IFT80: variants seen among roughly 807,000 people sequenced by gnomAD.
IFT80 encodes the protein intraflagellar transport protein 80 homolog.
Under a neutral mutation model 107.9 loss-of-function variants are expected in IFT80, and 79 were observed. That is an observed-to-expected ratio of 0.73 (90% CI 0.61 to 0.88). The LOEUF (loss-of-function observed/expected upper bound fraction) is 0.88, where lower values mean the gene tolerates loss of function less well. Ranked by LOEUF, IFT80 falls within the 40% of genes least tolerant of loss-of-function variation. IFT80 has a pLI of 0.00. For missense variants in IFT80, 797 were observed against 914.2 expected (o/e 0.87, Z 1.65); for synonymous variants, 299 against 300.9 (o/e 0.99, Z 0.07).
intron 8 of IFT80, 43 bp from the exon 9 acceptor site, chr3:160,319,982 A>C (rs563017983): frequency 1.3e-6 from 2 of 1,536,490 alleles, no homozygotes; most frequent in Admixed American, 1.7e-5. Context: ...TACTGAAAAA[A>C]AATTTTTAGG....
In IFT80 at chr3:160,324,082, G is replaced by T. The variant is rs552586462; in HGVS notation, c.778-4143C>A. Among the ~76,000 whole-genome samples, 18 of 152,230 alleles carry T rather than the reference G, an allele frequency of 1.2e-4. No individual in the cohort carries two copies. The South Asian group carries it at 3.5e-3, about 30-fold the overall frequency. ...CACTCTCCCAAGACTAAACCAGGAA[G>T]AAGTTGAATCTCTGAATAGACCAGC... On this transcript the variant is annotated intron_variant, in intron 8 of 19. Coordinates refer to ENST00000326448, the MANE Select transcript of IFT80 (RefSeq NM_020800.3).
intron 1 of IFT80, among the ~76,000 whole-genome samples, chr3:160,397,059 C>T (rs1713832890): frequency 6.6e-6 from 1 of 152,132 alleles, no homozygotes; most frequent in Non-Finnish European, 1.5e-5. Context: ...TATCGTTCTT[C>T]CTATACCTTA....
intron 8 of IFT80, among the ~76,000 whole-genome samples, chr3:160,340,370 C>T (rs1450340659): frequency 6.6e-6 from 1 of 152,076 alleles, no homozygotes; most frequent in African/African-American, 2.4e-5. Context: ...AATTTAGAGC[C>T]TTAGAAAAAC....
intron 9 of IFT80, among the ~76,000 whole-genome samples, chr3:160,314,959 A>G (rs1277342625): frequency 6.6e-6 from 1 of 151,912 alleles, no homozygotes; most frequent in Non-Finnish European, 1.5e-5. Context: ...ACAAAATCAC[A>G]GGAACATCTG....
At chr3:160,380,392 C>T (rs1712383849) in intron 3 of IFT80, among the ~76,000 whole-genome samples, 1 of 152,112 alleles carries the variant, frequency 6.6e-6, no homozygotes, top group African/African-American at 2.4e-5. Context: ...GCACGAGATA[C>T]TGAGGAAGAA....
intron 5 of IFT80, among the ~76,000 whole-genome samples, chr3:160,372,517 AT>A (rs2108388694): frequency 6.6e-6 from 1 of 152,354 alleles, no homozygotes; most frequent in South Asian, 2.1e-4. Flanking sequence ...TCTATGCCTT[AT>A]GAGGAAAGTA....
intron 2 of IFT80, among the ~76,000 whole-genome samples, chr3:160,382,491 T>A (rs1712598169): frequency 6.6e-6 from 1 of 152,194 alleles, no homozygotes; most frequent in Non-Finnish European, 1.5e-5. Flanking sequence ...CAGCTCTAAT[T>A]TATCAGAAGA....
intron 19 of IFT80, among the ~76,000 whole-genome samples, chr3:160,265,595 C>T (rs550103167): frequency 2.0e-5 from 3 of 152,222 alleles, no homozygotes; most frequent in African/African-American, 7.2e-5. Flanking sequence ...AGTACAATAA[C>T]TCTAAATATC....
intron 15 of IFT80, 111 bp downstream of exon 15, chr3:160,280,556 A>T: frequency 1.2e-6 from 1 of 858,558 alleles, no homozygotes; most frequent in African/African-American, 1.7e-5. Context: ...TCATCAATAA[A>T]TCTGACTGAT....
chr3:160,343,628 T>C (rs2108339136), intron 8 of IFT80: 2 of 161,404 alleles, frequency 1.2e-5, no homozygotes, highest in East Asian at 3.7e-4. Flanking sequence ...GTAATTCATT[T>C]GTACCTTATT....
intron 10 of IFT80, among the ~76,000 whole-genome samples, chr3:160,304,991 A>T (rs768976926): frequency 6.6e-6 from 1 of 152,218 alleles, no homozygotes; most frequent in Non-Finnish European, 1.5e-5. Context: ...GTAAGCCATG[A>T]ACATGCTTAT....
At chr3:160,275,750 A>G (rs1714213791) in intron 18 of IFT80, among the ~76,000 whole-genome samples, 1 of 152,186 alleles carries the variant, frequency 6.6e-6, no homozygotes. Context: ...AATGCTATAA[A>G]CACAATTCTT....
intron 7 of IFT80, among the ~76,000 whole-genome samples, chr3:160,357,267 T>C (rs913725669): frequency 6.6e-6 from 1 of 150,988 alleles, no homozygotes; most frequent in Non-Finnish European, 1.5e-5. Context: ...AACTGGCTAA[T>C]TTTTTTTTGT....
intron 19 of IFT80, among the ~76,000 whole-genome samples, chr3:160,263,821 T>C (rs949705467): frequency 6.6e-6 from 1 of 151,804 alleles, no homozygotes; most frequent in African/African-American, 2.4e-5. Flanking sequence ...GGACTACAGG[T>C]GCATGCCACC....
chr3:160,311,892 C>T (rs879010967), intron 9 of IFT80, among the ~76,000 whole-genome samples: 3 of 152,200 alleles, frequency 2.0e-5, no homozygotes, highest in East Asian at 1.9e-4. Context: ...GGGGCTCTTC[C>T]GCCTCAGCCT....
chr3:160,261,146 A>G (rs943176866), intron 19 of IFT80, among the ~76,000 whole-genome samples: 1 of 151,990 alleles, frequency 6.6e-6, no homozygotes, highest in Non-Finnish European at 1.5e-5. Context: ...TCTCCCTGCA[A>G]GCTACCATCC....
intron 9 of IFT80, among the ~76,000 whole-genome samples, chr3:160,313,065 A>ATTTTATATATATTTTATATAATATATATT (rs1409927430): frequency 9.6e-6 from 1 of 104,396 alleles, no homozygotes. Context: ...TATAATATAT[A>ATTTTATATATATTTTATATAATATATATT]TTATATATAT....
intron 3 of IFT80, among the ~76,000 whole-genome samples, chr3:160,381,247 T>TATATATATATATATATATATATATATAC (rs1712477013): frequency 1.5e-5 from 2 of 134,004 alleles, no homozygotes; most frequent in Non-Finnish European, 3.3e-5. Context: ...TAAATATATA[T>TATATATATATATATATATATATATATAC]ATATATATAT....
intron 12 of IFT80, among the ~76,000 whole-genome samples, chr3:160,296,487 TTCTGTCAAC>T (rs895557203): frequency 1.1e-4 from 17 of 152,154 alleles, no homozygotes; most frequent in African/African-American, 3.4e-4. Context: ...TGAGATATTA[TTCTGTCAAC>T]AATCCCCACT....
Sources: allele counts gnomAD v4.1 joint callset (sites outside exome capture counted in the v4.1 genomes callset), GRCh38; gene constraint gnomAD v4.1.1; transcripts MANE v1.5; gene names NCBI Gene and HGNC (gene_info 2026-07-23, HGNC 2026-07-21).